Variants in HS3ST4 observed in about 807,000 individuals in gnomAD.
HS3ST4 encodes the protein heparan sulfate glucosamine 3-O-sulfotransferase 4.
In HS3ST4, 17 loss-of-function variants were observed where a neutral mutation model predicts 29.2. The observed-to-expected ratio is 0.58, with a 90% CI of 0.40 to 0.87. HS3ST4 has a LOEUF of 0.87. Ranked by LOEUF, HS3ST4 falls within the 40% of genes least tolerant of loss-of-function variation. The pLI is 0.00. For synonymous variants in HS3ST4, 314 were observed against 285.7 expected (o/e 1.10, Z -1.00); for missense variants, 627 against 634.5 (o/e 0.99, Z 0.13).
chr16:25,812,509 T>G (rs112872776), intron 1 of HS3ST4, among the ~76,000 whole-genome samples: 24 of 152,320 alleles, frequency 1.6e-4, no homozygotes, highest in African/African-American at 5.8e-4. Flanking sequence ...TTAAGAGATT[T>G]TCCTGTAAAT....
chr16:26,131,294 G>T (rs567341839), intron 1 of HS3ST4, among the ~76,000 whole-genome samples: 2 of 152,168 alleles, frequency 1.3e-5, no homozygotes, highest in Non-Finnish European at 2.9e-5. Flanking sequence ...AAAATTAAGT[G>T]TAAATTTTAT....
intron 1 of HS3ST4, among the ~76,000 whole-genome samples, chr16:26,072,137 T>C (rs898173637): frequency 3.3e-5 from 5 of 152,204 alleles, no homozygotes; most frequent in African/African-American, 1.2e-4. Flanking sequence ...GGGTTCTGGG[T>C]CCATAAGGGG....
intron 1 of HS3ST4, among the ~76,000 whole-genome samples, chr16:25,897,144 C>G (rs1303335067): frequency 6.6e-6 from 1 of 152,010 alleles, no homozygotes; most frequent in African/African-American, 2.4e-5. Context: ...CCCCCAGAGT[C>G]TAAAATAAAA....
At chr16:25,937,780 T>A (rs1414535425) in intron 1 of HS3ST4, among the ~76,000 whole-genome samples, 1 of 152,220 alleles carries the variant, frequency 6.6e-6, no homozygotes, top group Non-Finnish European at 1.5e-5. Flanking sequence ...ATTTTTGTAC[T>A]CATTTACCCC....
intron 1 of HS3ST4, among the ~76,000 whole-genome samples, chr16:25,730,645 GTCCTTCTCTCCCTCTCT>G (rs898888700): frequency 2.1e-5 from 2 of 94,150 alleles, no homozygotes; most frequent in Non-Finnish European, 4.0e-5. Flanking sequence ...CCCTCCCTCC[GTCCTTCTCTCCCTCTCT>G]TCCTTCTCTC....
intron 1 of HS3ST4, among the ~76,000 whole-genome samples, chr16:25,704,765 G>A (rs961883303): frequency 5.3e-5 from 8 of 151,888 alleles, no homozygotes; most frequent in Non-Finnish European, 1.0e-4. Context: ...TGTAATCCCA[G>A]CTACTGGGGA....
chr16:25,928,095 C>T (rs1401066327), intron 1 of HS3ST4, among the ~76,000 whole-genome samples: 1 of 146,448 alleles, frequency 6.8e-6, no homozygotes, highest in East Asian at 2.0e-4. Flanking sequence ...ACTTGAAAGG[C>T]TGAGGCAGGA....
At chr16:26,103,700 T>G (rs1435439003) in intron 1 of HS3ST4, among the ~76,000 whole-genome samples, 4 of 152,212 alleles carry the variant, frequency 2.6e-5, no homozygotes, top group Non-Finnish European at 5.9e-5. Context: ...TAACACTATT[T>G]TGCCCAGTGA....
intron 1 of HS3ST4, among the ~76,000 whole-genome samples, chr16:25,842,220 A>C (rs550701920): frequency 6.0e-4 from 92 of 152,330 alleles, no homozygotes; most frequent in African/African-American, 2.0e-3. Flanking sequence ...CTTTAGCTTA[A>C]ATTTTTGGAA....
chr16:25,845,048 G>T (rs1967450955), intron 1 of HS3ST4, among the ~76,000 whole-genome samples: 1 of 152,098 alleles, frequency 6.6e-6, no homozygotes, highest in African/African-American at 2.4e-5. Context: ...GGCCTGTTGG[G>T]GGGTGGGGTT....
At chr16:25,709,466 A>G (rs896231678) in intron 1 of HS3ST4, among the ~76,000 whole-genome samples, 3 of 152,200 alleles carry the variant, frequency 2.0e-5, no homozygotes, top group African/African-American at 4.8e-5. Flanking sequence ...TGCCAAAACA[A>G]CAGATGTCTG....
chr16:26,123,816 T>C (rs1899307791), intron 1 of HS3ST4, among the ~76,000 whole-genome samples: 1 of 152,228 alleles, frequency 6.6e-6, no homozygotes, highest in South Asian at 2.1e-4. Context: ...GACTTCCAGC[T>C]CCATTGAAGT....
chr16:25,807,430 G>C (rs1967000498), intron 1 of HS3ST4, among the ~76,000 whole-genome samples: 1 of 152,190 alleles, frequency 6.6e-6, no homozygotes, highest in Admixed American at 6.5e-5. Flanking sequence ...TCTGGACTCT[G>C]ACTTTTTTTT....
intron 1 of HS3ST4, among the ~76,000 whole-genome samples, chr16:25,783,720 C>A (rs1966854730): frequency 1.3e-5 from 2 of 152,096 alleles, no homozygotes; most frequent in Non-Finnish European, 1.5e-5. Flanking sequence ...ATTAAATTTA[C>A]CATTTAAATC....
At chr16:25,962,590 G>A (rs878926979) in intron 1 of HS3ST4, among the ~76,000 whole-genome samples, 26 of 152,070 alleles carry the variant, frequency 1.7e-4, no homozygotes, top group South Asian at 4.1e-4. Context: ...ACATTTTTCC[G>A]GGGTGGCTCT....
chr16:25,835,742 T>C (rs1967350074), intron 1 of HS3ST4, among the ~76,000 whole-genome samples: 1 of 152,190 alleles, frequency 6.6e-6, no homozygotes, highest in African/African-American at 2.4e-5. Flanking sequence ...AAAAATGTGT[T>C]GTGACTTGCC....
intron 1 of HS3ST4, among the ~76,000 whole-genome samples, chr16:25,809,282 A>G (rs1967018991): frequency 6.6e-6 from 1 of 152,068 alleles, no homozygotes. Context: ...TCCTAACTTG[A>G]TTTTGTCAAA....
rs1322845905 is a variant in HS3ST4, at chr16:25,788,401, G to T, written c.734+95250G>T. Among the ~76,000 whole-genome samples the T allele has an allele frequency of 2.0e-4, 24 of 120,050 alleles. 1 individual carries two copies. The allele number at this position is 120,050 out of a possible 152,430, so 78.8% of individuals were successfully genotyped here. A position where few individuals can be genotyped will look rare whatever the true frequency, so the allele number is the denominator to read the frequency against. On this transcript the variant is annotated intron_variant, in intron 1 of 1. Transcript: ENST00000331351. ...TTGCACTCCAGCCTGGGCAACAAGA[G>T]TGAAATTCTGTCTCAAAAAAAAAAA...
intron 1 of HS3ST4, among the ~76,000 whole-genome samples, chr16:26,003,796 G>A (rs138506955): frequency 7.9e-5 from 12 of 152,188 alleles, no homozygotes; most frequent in African/African-American, 1.4e-4. Flanking sequence ...GGCTGGAGTC[G>A]GGGAAGTAGG....
Sources: allele counts gnomAD v4.1 joint callset (sites outside exome capture counted in the v4.1 genomes callset), GRCh38; gene constraint gnomAD v4.1.1; transcripts MANE v1.5; gene names NCBI Gene and HGNC (gene_info 2026-07-23, HGNC 2026-07-21).